NDRG3: variants seen among roughly 807,000 people sequenced by gnomAD.
The protein encoded by NDRG3 is protein NDRG3.
NDRG3 carries 23 observed loss-of-function variants against 57.2 expected under a neutral mutation model. The ratio of observed to expected loss-of-function variants is 0.40; its 90% confidence interval spans 0.29 to 0.57. The LOEUF is 0.57. Ranked by LOEUF, NDRG3 falls within the 20% of genes least tolerant of loss-of-function variation. The pLI is 0.42. For missense variants in NDRG3, 384 were observed against 457.3 expected (o/e 0.84, Z 1.46); for synonymous variants, 132 against 162.6 (o/e 0.81, Z 1.43).
At position 36,689,044 on chromosome 20, in the gene NDRG3, A is replaced by G. The variant is rs1405636563; in HGVS notation, c.94-260T>C. ...ACCCTGTCTTTACTAAAAATAAAAA[A>G]TCAGCCAGGCATGGTGGCACACGCA... is the stretch of plus-strand genomic sequence containing the variant. On this transcript the variant is annotated intron_variant, in intron 3 of 15. Transcript: ENST00000349004. Among the ~76,000 whole-genome samples, 7 of 152,130 alleles carry G rather than the reference A, an allele frequency of 4.6e-5. No individual in the cohort carries two copies. In the East Asian group the frequency reaches 1.2e-3, roughly 25 times the overall value.
chr20:36,674,002 G>C (rs1206143626), intron 8 of NDRG3, among the ~76,000 whole-genome samples: 2 of 151,938 alleles, frequency 1.3e-5, no homozygotes, highest in South Asian at 2.1e-4. Context: ...TACTCAGGAG[G>C]CTGAGGCAGG....
At chr20:36,669,484 C>G (rs1171208053) in intron 9 of NDRG3, among the ~76,000 whole-genome samples, 1 of 151,988 alleles carries the variant, frequency 6.6e-6, no homozygotes, top group East Asian at 1.9e-4. Flanking sequence ...CCTGCCTCGG[C>G]CTCCCAAAGT....
At chr20:36,702,619 GT>G (rs1983308814) in intron 3 of NDRG3, among the ~76,000 whole-genome samples, 1 of 151,832 alleles carries the variant, frequency 6.6e-6, no homozygotes, top group South Asian at 2.1e-4. Context: ...TGCCTCCCGG[GT>G]TCAAGCCATT....
chr20:36,705,072 C>T (rs183004281), intron 3 of NDRG3, among the ~76,000 whole-genome samples: 13 of 152,074 alleles, frequency 8.5e-5, no homozygotes, highest in African/African-American at 2.9e-4. Context: ...GTAATCCCAG[C>T]ACTTTGGGAG....
rs151246113 is a variant in NDRG3 at position 36,745,718 on chromosome 20, G to A, written c.-49+327C>T. Among the ~76,000 whole-genome samples the A allele has an allele frequency of 3.4e-3, 520 of 152,372 alleles. 2 individuals are homozygous for A. Among genetic ancestry groups the A allele is most frequent in the African/African-American group, 0.012 (485 of 41,594 alleles). ...CCCACCAAGCTCTGCCGCCTGCAGAGCCAGAGCGAGAGAAGGGTTCGCGCC... is the reference window on the plus strand; with the variant it reads ...CCCACCAAGCTCTGCCGCCTGCAGAACCAGAGCGAGAGAAGGGTTCGCGCC... On this transcript the variant is annotated intron_variant, in intron 1 of 15. Coordinates refer to ENST00000349004, the MANE Select transcript of NDRG3 (RefSeq NM_032013.4).
intron 6 of NDRG3, among the ~76,000 whole-genome samples, chr20:36,683,021 TCA>T (rs766899848): frequency 1.3e-5 from 2 of 151,632 alleles, no homozygotes; most frequent in Non-Finnish European, 1.5e-5. Context: ...GGCGAGCGGA[TCA>T]CGAAGTCAGG....
chr20:36,657,672 C>A (rs532889423), intron 13 of NDRG3, among the ~76,000 whole-genome samples: 5 of 151,982 alleles, frequency 3.3e-5, no homozygotes, highest in Non-Finnish European at 7.4e-5. Context: ...GAACATGAAC[C>A]CCATGGTTTC....
chr20:36,701,044 G>C (rs1485442689), intron 3 of NDRG3, among the ~76,000 whole-genome samples: 1 of 152,122 alleles, frequency 6.6e-6, no homozygotes, highest in African/African-American at 2.4e-5. Flanking sequence ...AAAGTGCTGG[G>C]AATATAGGCA....
intron 1 of NDRG3, among the ~76,000 whole-genome samples, chr20:36,738,336 A>G (rs1198145523): frequency 6.6e-6 from 1 of 151,610 alleles, no homozygotes; most frequent in African/African-American, 2.4e-5. Context: ...CTCTAATAAA[A>G]ATACAAAAAT....
At chr20:36,696,719 C>T (rs991768619) in intron 3 of NDRG3, among the ~76,000 whole-genome samples, 1 of 150,716 alleles carries the variant, frequency 6.6e-6, no homozygotes, top group African/African-American at 2.4e-5. Flanking sequence ...TCTCGATCCC[C>T]TGACCTCGTG....
At chr20:36,738,030 C>T (rs535487457) in intron 1 of NDRG3, among the ~76,000 whole-genome samples, 5 of 150,392 alleles carry the variant, frequency 3.3e-5, no homozygotes, top group Admixed American at 2.0e-4. Context: ...TGCCACCGCA[C>T]TCCAGCCTGG....
At chr20:36,745,690 A>G (rs1207402249) in intron 1 of NDRG3, among the ~76,000 whole-genome samples, 1 of 152,206 alleles carries the variant, frequency 6.6e-6, no homozygotes, top group Non-Finnish European at 1.5e-5. Flanking sequence ...AGCAACCCCA[A>G]GGCCCACCAA....
chr20:36,716,532 CA>C (rs35687613), intron 2 of NDRG3, among the ~76,000 whole-genome samples: 7,602 of 100,404 alleles, frequency 0.076, 365 homozygotes, highest in African/African-American at 0.21. Flanking sequence ...GACTCCATCT[CA>C]AAAAAAAAAA....
chr20:36,680,248 A>G (rs904532308), intron 8 of NDRG3, among the ~76,000 whole-genome samples: 33 of 151,812 alleles, frequency 2.2e-4, no homozygotes, highest in Admixed American at 3.3e-4. Flanking sequence ...GCAGTTTGGG[A>G]GGCCGAGGCG....
chr20:36,717,890 G>C (rs1383572069), intron 2 of NDRG3, among the ~76,000 whole-genome samples: 4 of 152,188 alleles, frequency 2.6e-5, no homozygotes, highest in African/African-American at 9.7e-5. Context: ...AGTGGGTAGA[G>C]GCCAAAGATG....
At chr20:36,676,243 A>C (rs1361624809) in intron 8 of NDRG3, among the ~76,000 whole-genome samples, 1 of 152,178 alleles carries the variant, frequency 6.6e-6, no homozygotes, top group African/African-American at 2.4e-5. Context: ...CGTCTCAAAA[A>C]AAAATAAATA....
At chr20:36,682,291 G>A (rs1031199386) in intron 7 of NDRG3, among the ~76,000 whole-genome samples, 5 of 152,174 alleles carry the variant, frequency 3.3e-5, no homozygotes, top group African/African-American at 1.2e-4. Flanking sequence ...ATTATAAGCA[G>A]CATCTAGGAC....
At chr20:36,692,571 C>G (rs1982357736) in intron 3 of NDRG3, among the ~76,000 whole-genome samples, 2 of 152,098 alleles carry the variant, frequency 1.3e-5, no homozygotes, top group South Asian at 4.2e-4. Context: ...GAACAACTAC[C>G]AGGAGAATAC....
Position 36,694,919 on chromosome 20 carries a change from G to A in NDRG3, c.94-6135C>T, listed in dbSNP as rs189423874. The stretch of plus-strand genomic sequence containing the variant: ...ACCATAGATGCATGCCACCATGCTC[G>A]GCTAATTTTTGTACTGTTTGTAGCA... On this transcript the variant is annotated intron_variant, in intron 3 of 15. Coordinates refer to ENST00000349004, the MANE Select transcript of NDRG3 (RefSeq NM_032013.4). Among the ~76,000 whole-genome samples the A allele has an allele frequency of 1.2e-3, 182 of 152,074 alleles. 1 individual carries two copies. Among genetic ancestry groups the A allele is most frequent in the Non-Finnish European group, 1.4e-3 (94 of 67,974 alleles).
Sources: gnomAD v4.1 joint callset for allele counts (sites outside exome capture counted in the v4.1 genomes callset) on GRCh38, gnomAD v4.1.1 for gene constraint, MANE v1.5 for transcripts, NCBI Gene and HGNC (gene_info 2026-07-23, HGNC 2026-07-21) for gene names.